GRK7: variants seen among roughly 807,000 people sequenced by gnomAD.
GRK7 encodes the protein G protein-coupled receptor kinase 7, also known as rhodopsin kinase GRK7.
In GRK7, 24 loss-of-function variants were observed where a neutral mutation model predicts 34.1. The observed-to-expected ratio is 0.70, with a 90% CI of 0.51 to 0.99. The LOEUF is 0.99. Ranked by LOEUF, GRK7 falls within the 50% of genes least tolerant of loss-of-function variation. The probability of loss-of-function intolerance (pLI) is 0.00; values close to 1 mark genes in which losing one functional copy is unlikely to be tolerated. For synonymous variants in GRK7, 256 were observed against 279.4 expected (o/e 0.92, Z 0.84); for missense variants, 644 against 707.3 (o/e 0.91, Z 1.02).
At chr3:141,775,372 A>G (rs567798231) in intron 2 of GRK7, among the ~76,000 whole-genome samples, 4 of 152,260 alleles carry the variant, frequency 2.6e-5, no homozygotes, top group East Asian at 3.9e-4. Flanking sequence ...GGGCGACGAC[A>G]GAGTGACAGA....
upstream of GRK7, among the ~76,000 whole-genome samples, chr3:141,762,846 C>A (rs969022480): frequency 6.6e-6 from 1 of 152,228 alleles, no homozygotes; most frequent in African/African-American, 2.4e-5. Context: ...GTTCTTTAAG[C>A]CGGTCTGAAA....
intron 5 of GRK7, among the ~76,000 whole-genome samples, chr3:141,812,095 A>C (rs979124823): frequency 1.3e-5 from 2 of 152,258 alleles, no homozygotes; most frequent in Admixed American, 6.5e-5. Flanking sequence ...GGTTCTTGGC[A>C]GACCAAATTC....
rs1344821439 is a variant in GRK7 at position 141,778,051 on chromosome 3, T to A, written c.-113-121T>A. The A allele has an allele frequency of 3.9e-6, 2 of 506,370 alleles. No individual in the cohort carries two copies. Among genetic ancestry groups the A allele is most frequent in the Non-Finnish European group, 6.8e-6 (2 of 293,118 alleles). 31.4% of individuals were successfully genotyped at this position (506,370 alleles called of 1,614,324 possible). A position where few individuals can be genotyped will look rare whatever the true frequency, so the allele number is the denominator to read the frequency against. ...TGGCCCCGGCAGGTGTCCCAGCAGCTTTCGCCTTGGCAGGTGGGAGCATGA... is the reference window on the plus strand; with the variant it reads ...TGGCCCCGGCAGGTGTCCCAGCAGCATTCGCCTTGGCAGGTGGGAGCATGA... On this transcript the variant is annotated intron_variant, in intron 2 of 5. Coordinates refer to ENST00000682958, the MANE Select transcript of GRK7 (RefSeq NM_139209.3). This position sits in a 1 kb window ranked among gnomAD's most constrained non-coding sequence, Gnocchi z 4.1.
At chr3:141,762,469 C>G (rs141967706), upstream of GRK7, among the ~76,000 whole-genome samples, 34 of 147,830 alleles carry the variant, frequency 2.3e-4, no homozygotes, top group South Asian at 1.6e-3. Flanking sequence ...GCAGTCTGCC[C>G]GTTCTCAGAT....
At chr3:141,767,344 A>G (rs1468293782) in intron 1 of GRK7, among the ~76,000 whole-genome samples, 2 of 152,012 alleles carry the variant, frequency 1.3e-5, no homozygotes, top group African/African-American at 2.4e-5. Flanking sequence ...TTGGTTTTAT[A>G]CTATGATACC....
At chr3:141,775,389 C>A (rs1433898613) in intron 2 of GRK7, among the ~76,000 whole-genome samples, 1 of 151,660 alleles carries the variant, frequency 6.6e-6, no homozygotes, top group Admixed American at 6.6e-5. Context: ...CAGAGTGAGA[C>A]CCTGTCTAAA....
chr3:141,773,916 G>T (rs2084627552), intron 1 of GRK7, among the ~76,000 whole-genome samples: 7 of 152,156 alleles, frequency 4.6e-5, no homozygotes. Flanking sequence ...GATTTCCCAA[G>T]CAGTGCTGGA....
Position 141,763,513 on chromosome 3 carries a change from G to C in GRK7, c.-2440G>C, listed in dbSNP as rs2084566522. Among the ~76,000 whole-genome samples the C allele has an allele frequency of 6.6e-6, 1 of 152,134 alleles. No individual in the cohort carries two copies. The highest frequency in any genetic ancestry group is 2.4e-5 in the African/African-American group (1 of 41,444). On this transcript the variant is annotated 5_prime_UTR_variant, in exon 1 of 6. Transcript: ENST00000682958. ...TCCACCTTCACAGACGAGGAACCAG[G>C]GCCCCAGTGCTGTGCCTAAGACCTC...
Position 141,779,381 on chromosome 3 carries a change from A to AC in GRK7, c.612+486dup, listed in dbSNP as rs2084659066. 2.9e-5 allele frequency among the ~76,000 whole-genome samples: 4 copies of AC among 140,058 alleles called. No homozygotes were observed. In the Admixed American group the frequency reaches 3.2e-4, roughly 11 times the overall value. The allele number at this position is 140,058 out of a possible 152,430, so 91.9% of individuals were successfully genotyped here. A position where few individuals can be genotyped will look rare whatever the true frequency, so the allele number is the denominator to read the frequency against. On this transcript the variant is annotated intron_variant, in intron 3 of 5. Transcript: ENST00000682958. ...CAGTGAGCCAAGATCGTGCCACTGC[A>AC]CTCCAGCCTGGGTGACAGAGCAAGA...
rs1278560276 is a variant in GRK7 at position 141,778,532 on chromosome 3, C to T, written c.248C>T (p.Ala83Val). 23 of 1,613,244 alleles carry T rather than the reference C, an allele frequency of 1.4e-5. No individual in the cohort carries two copies. The highest frequency in any genetic ancestry group is 1.9e-5 in the Non-Finnish European group (22 of 1,179,984). Residue 83 changes from alanine to valine, a missense_variant, in exon 3 of 6, where the codon GCG becomes GTG. By Grantham distance (64) the Ala-to-Val change is moderately conservative. Transcript: ENST00000682958. The surrounding 1 kb of genome is among the most constrained non-coding windows in gnomAD (Gnocchi z 4.1). ...FLATVPTFRK[A>V]ATFLEDVQNW... Reference sequence around the variant, plus strand: ...GCCACAGTGCCCACGTTCCGCAAGGCGGCAACCTTCCTAGAGGACGTGCAG... The same window carrying T: ...GCCACAGTGCCCACGTTCCGCAAGGTGGCAACCTTCCTAGAGGACGTGCAG...
chr3:141,788,229 C>A (rs1270074756), intron 4 of GRK7, among the ~76,000 whole-genome samples: 1 of 152,054 alleles, frequency 6.6e-6, no homozygotes, highest in Non-Finnish European at 1.5e-5. Context: ...GTTCTACAGG[C>A]AGTAGGGAGC....
At chr3:141,808,428 T>C (rs765033445) in intron 5 of GRK7, among the ~76,000 whole-genome samples, 1 of 152,140 alleles carries the variant, frequency 6.6e-6, no homozygotes, top group Non-Finnish European at 1.5e-5. Flanking sequence ...AGACAGAAAG[T>C]AGAAGGCCGG....
At chr3:141,776,050 C>T (rs913249691) in intron 2 of GRK7, among the ~76,000 whole-genome samples, 1 of 151,884 alleles carries the variant, frequency 6.6e-6, no homozygotes, top group Admixed American at 6.6e-5. Flanking sequence ...TTTGGGAGGC[C>T]GAGACGGGCA....
chr3:141,774,412 A>C (rs1013023404), intron 1 of GRK7, among the ~76,000 whole-genome samples, 168 bp from the exon 2 acceptor site: 1 of 152,048 alleles, frequency 6.6e-6, no homozygotes, highest in African/African-American at 2.4e-5. Flanking sequence ...ACAGAGTGAG[A>C]CCCTGTCTCA....
chr3:141,756,517 T>C, the GRK7 span, among the ~76,000 whole-genome samples: 1 of 152,296 alleles, frequency 6.6e-6, no homozygotes, highest in Admixed American at 6.5e-5. Context: ...CGAGGGGTAT[T>C]GACTGGAAAA....
intron 1 of GRK7, among the ~76,000 whole-genome samples, chr3:141,773,022 G>T (rs1216918063): frequency 2.0e-5 from 3 of 151,868 alleles, no homozygotes; most frequent in Non-Finnish European, 4.4e-5. Flanking sequence ...TGTAATCCCA[G>T]CTACTTGGGA....
chr3:141,774,257 A>G (rs2084628944), intron 1 of GRK7, among the ~76,000 whole-genome samples: 1 of 151,962 alleles, frequency 6.6e-6, no homozygotes, highest in Non-Finnish European at 1.5e-5. Context: ...ACATGTCTCC[A>G]CTAAAAATAC....
At chr3:141,810,642 G>C (rs958295710) in intron 5 of GRK7, among the ~76,000 whole-genome samples, 1 of 152,020 alleles carries the variant, frequency 6.6e-6, no homozygotes, top group Non-Finnish European at 1.5e-5. Context: ...TTGGCCTCCC[G>C]AGTAGCTGGG....
chr3:141,762,994 G>C (rs1033799763), upstream of GRK7, among the ~76,000 whole-genome samples: 1 of 152,190 alleles, frequency 6.6e-6, no homozygotes, highest in African/African-American at 2.4e-5. Context: ...CTCGCGCCCG[G>C]TGCGCGCACC....
Sources: allele counts gnomAD v4.1 joint callset (sites outside exome capture counted in the v4.1 genomes callset), GRCh38; gene constraint gnomAD v4.1.1; non-coding constraint Gnocchi (gnomAD v3.1); transcripts MANE v1.5; gene names NCBI Gene and HGNC (gene_info 2026-07-23, HGNC 2026-07-21).